The following SMYD3 variants were observed in gnomAD, a reference collection of about 807,000 sequenced individuals.
The protein encoded by SMYD3 is histone-lysine N-methyltransferase SMYD3.
A neutral mutation model predicts 57.7 loss-of-function variants in SMYD3; 36 were observed. The ratio of observed to expected loss-of-function variants is 0.62; its 90% CI spans 0.48 to 0.82. The LOEUF (loss-of-function observed/expected upper bound fraction) is 0.82. Among genes scored for constraint, SMYD3 ranks in the 40% least tolerant of loss-of-function variants. The pLI, the probability that SMYD3 is intolerant of heterozygous loss-of-function variation, is 0.00. For synonymous variants in SMYD3, 211 were observed against 195.0 expected, an observed-to-expected ratio of 1.08 and a Z score of -0.68; for missense variants, 515 against 538.8, an observed-to-expected ratio of 0.96 and a Z score of 0.44.
intron 1 of SMYD3, among the ~76,000 whole-genome samples, chr1:246,386,674 T>C (rs1194278216): frequency 6.6e-6 from 1 of 152,066 alleles, no homozygotes; most frequent in African/African-American, 2.4e-5. Context: ...TCACTCATGT[T>C]ACTGAGGAGA....
chr1:246,115,438 T>C (rs112539429), intron 5 of SMYD3, among the ~76,000 whole-genome samples: 4 of 152,148 alleles, frequency 2.6e-5, no homozygotes, highest in African/African-American at 7.2e-5. Context: ...CCCCTTCCCC[T>C]ACACACACTA....
chr1:246,220,870 C>G (rs1002854076), intron 5 of SMYD3, among the ~76,000 whole-genome samples: 2 of 152,180 alleles, frequency 1.3e-5, no homozygotes, highest in African/African-American at 2.4e-5. Flanking sequence ...GGACAACCAG[C>G]TGCAGAGAGG....
chr1:246,108,709 G>C (rs2061174369), intron 5 of SMYD3: 1 of 152,146 alleles, frequency 6.6e-6, no homozygotes, highest in Non-Finnish European at 1.5e-5. Context: ...TGTTGTGTAC[G>C]GGATAAAGGT....
intron 5 of SMYD3, among the ~76,000 whole-genome samples, chr1:246,195,376 T>C (rs2062814848): frequency 6.6e-6 from 1 of 152,178 alleles, no homozygotes; most frequent in Admixed American, 6.5e-5. Context: ...TCCTTTAAAG[T>C]CTCACAGGAC....
At chr1:246,090,804 A>T (rs2060810097) in intron 5 of SMYD3, among the ~76,000 whole-genome samples, 1 of 152,086 alleles carries the variant, frequency 6.6e-6, no homozygotes, top group South Asian at 2.1e-4. Flanking sequence ...GGCATGAGCT[A>T]CCACACCCGG....
intron 5 of SMYD3, among the ~76,000 whole-genome samples, chr1:246,285,606 C>CAA (rs2064544015): frequency 6.6e-6 from 1 of 151,902 alleles, no homozygotes; most frequent in South Asian, 2.1e-4. Flanking sequence ...GACCAAGAAC[C>CAA]CAAAAGCAAA....
chr1:246,275,229 G>A (rs2064306416), intron 5 of SMYD3, among the ~76,000 whole-genome samples: 1 of 152,204 alleles, frequency 6.6e-6, no homozygotes, highest in African/African-American at 2.4e-5. Context: ...ACTCAGCTCT[G>A]CTGCTGTAAC....
chr1:246,042,627 GA>G (rs1489723339), intron 5 of SMYD3, among the ~76,000 whole-genome samples: 54 of 152,304 alleles, frequency 3.5e-4, no homozygotes, highest in African/African-American at 1.3e-3. Flanking sequence ...GATCACCCCA[GA>G]AGAAATCAGA....
At chr1:245,800,682 T>A (rs377744656) in intron 10 of SMYD3, among the ~76,000 whole-genome samples, 1 of 152,176 alleles carries the variant, frequency 6.6e-6, no homozygotes, top group Non-Finnish European at 1.5e-5. Context: ...TCTTAAAGAC[T>A]GTTTTGTACA....
intron 2 of SMYD3, among the ~76,000 whole-genome samples, chr1:246,348,059 G>T (rs115922821): frequency 0.43 from 19,941 of 45,948 alleles, 2,688 homozygotes; most frequent in East Asian, 0.57. Flanking sequence ...TAAAGAAAAC[G>T]TTATATATAT....
chr1:246,499,747 C>T lies in SMYD3; in HGVS notation c.164+7307G>A, dbSNP rs570638670. On this transcript the variant is annotated intron_variant, in intron 1 of 11. Coordinates refer to ENST00000490107, the MANE Select transcript of SMYD3 (RefSeq NM_001167740.2). The stretch of plus-strand genomic sequence containing the variant: ...CTGGAATTACAGGTGTGAGCCACCA[C>T]GCCCTGCCTTAAATTTATGTTTAAA... Among the ~76,000 whole-genome samples the T allele has an allele frequency of 5.3e-5, 8 of 152,186 alleles. No homozygotes were observed. In the South Asian group the frequency reaches 1.0e-3, roughly 20 times the overall value.
At chr1:246,107,663 T>G (rs984249721) in intron 5 of SMYD3, among the ~76,000 whole-genome samples, 1 of 152,180 alleles carries the variant, frequency 6.6e-6, no homozygotes, top group Admixed American at 6.5e-5. Context: ...AAAAACCACA[T>G]GGAAACAATA....
intron 5 of SMYD3, among the ~76,000 whole-genome samples, chr1:246,285,602 G>C (rs912597197): frequency 3.3e-5 from 5 of 151,870 alleles, no homozygotes; most frequent in African/African-American, 1.2e-4. Context: ...TCATGACCAA[G>C]AACCCAAAAG....
intron 1 of SMYD3, among the ~76,000 whole-genome samples, chr1:246,402,171 A>C (rs541986213): frequency 1.3e-5 from 2 of 152,210 alleles, no homozygotes; most frequent in East Asian, 1.9e-4. Context: ...TAATCACAGA[A>C]ACATCAATTC....
chr1:245,873,579 C>T (rs534174440), intron 8 of SMYD3, among the ~76,000 whole-genome samples: 3 of 152,326 alleles, frequency 2.0e-5, no homozygotes, highest in South Asian at 2.1e-4. Flanking sequence ...CTCCTTTAAT[C>T]GGCCACATCT....
At chr1:245,837,835 CT>C (rs1419597192) in intron 10 of SMYD3, among the ~76,000 whole-genome samples, 1 of 152,144 alleles carries the variant, frequency 6.6e-6, no homozygotes, top group Non-Finnish European at 1.5e-5. Context: ...ACATTTGTGT[CT>C]GGGGAAAGGC....
At chr1:246,318,836 A>T (rs534274705) in intron 5 of SMYD3, among the ~76,000 whole-genome samples, 1 of 152,362 alleles carries the variant, frequency 6.6e-6, no homozygotes, top group Non-Finnish European at 1.5e-5. Context: ...CTGATTAAGA[A>T]CTTACTAATT....
At chr1:246,164,648 G>T (rs913945821) in intron 5 of SMYD3, among the ~76,000 whole-genome samples, 2 of 152,160 alleles carry the variant, frequency 1.3e-5, no homozygotes, top group Non-Finnish European at 2.9e-5. Flanking sequence ...ATCATTTTGG[G>T]TGAGCCACTT....
At chr1:245,825,528 C>T (rs2049435419) in intron 10 of SMYD3, among the ~76,000 whole-genome samples, 2 of 152,138 alleles carry the variant, frequency 1.3e-5, no homozygotes, top group South Asian at 4.1e-4. Context: ...TGTCTTCAGG[C>T]TGGAAGGGGC....
Sources: allele counts gnomAD v4.1 joint callset (sites outside exome capture counted in the v4.1 genomes callset), GRCh38; gene constraint gnomAD v4.1.1; transcripts MANE v1.5; gene names NCBI Gene and HGNC (gene_info 2026-07-23, HGNC 2026-07-21).